The following TNRC6B variants were observed in gnomAD, a reference collection of about 807,000 sequenced individuals.
TNRC6B encodes the protein trinucleotide repeat containing adaptor 6B, also known as trinucleotide repeat-containing gene 6B protein.
In TNRC6B, 52 loss-of-function variants were observed where a neutral mutation model predicts 203.6. That is an observed-to-expected ratio of 0.26 (90% confidence interval 0.20 to 0.32). TNRC6B has a LOEUF of 0.32. Ranked by LOEUF, TNRC6B falls within the 10% of genes least tolerant of loss-of-function variation. TNRC6B has a pLI of 1.00. For synonymous variants in TNRC6B, 838 were observed against 845.7 expected (o/e 0.99, Z 0.16); for missense variants, 1,923 against 2,286.2 (o/e 0.84, Z 3.24).
chr22:40,156,031 T>C, intron 3 of TNRC6B: 2 of 1,277,238 alleles, frequency 1.6e-6, no homozygotes, highest in Non-Finnish European at 2.2e-6. Flanking sequence ...GCCCTGTGGT[T>C]CTGCACAGGG....
At chr22:40,309,547 A>C (rs556327249) in intron 16 of TNRC6B, among the ~76,000 whole-genome samples, 1 of 152,326 alleles carries the variant, frequency 6.6e-6, no homozygotes, top group African/African-American at 2.4e-5. Flanking sequence ...GATTTATTGA[A>C]ATTGTAAAAT....
intron 3 of TNRC6B, among the ~76,000 whole-genome samples, chr22:40,257,894 A>C (rs1267220262): frequency 6.6e-6 from 1 of 151,638 alleles, no homozygotes; most frequent in South Asian, 2.1e-4. Context: ...GTGGTGGTGC[A>C]CGCCAGCTAC....
chr22:40,201,817 C>T (rs974943338), intron 1 of TNRC6B, among the ~76,000 whole-genome samples: 1 of 152,060 alleles, frequency 6.6e-6, no homozygotes, highest in Non-Finnish European at 1.5e-5. Flanking sequence ...TTTTTGAGCA[C>T]CAGCACGATA....
chr22:40,271,781 C>T (rs2070566519), intron 6 of TNRC6B, among the ~76,000 whole-genome samples: 1 of 152,190 alleles, frequency 6.6e-6, no homozygotes, highest in African/African-American at 2.4e-5. Context: ...TCAGGATCAT[C>T]TGTAGTTATA....
intron 9 of TNRC6B, among the ~76,000 whole-genome samples, chr22:40,278,347 C>G (rs1480913248): frequency 6.6e-6 from 1 of 151,726 alleles, no homozygotes; most frequent in Non-Finnish European, 1.5e-5. Context: ...ATTACGAGGT[C>G]AAGAGATCGA....
At chr22:40,141,663 C>G (rs965075337) in intron 3 of TNRC6B, among the ~76,000 whole-genome samples, 2 of 152,100 alleles carry the variant, frequency 1.3e-5, no homozygotes, top group Non-Finnish European at 1.5e-5. Flanking sequence ...CTGACTGCCC[C>G]TTAGTTCAGC....
In TNRC6B at chr22:40,334,331, T is replaced by G. The variant is rs529580970; in HGVS notation, c.*11090T>G. The G allele has an allele frequency of 6.5e-6, 1 of 152,714 alleles. No individual in the cohort carries two copies. Among genetic ancestry groups the G allele is most frequent in the Admixed American group, 6.5e-5 (1 of 15,300 alleles). The allele number at this position is 152,714 out of a possible 1,614,324, so 9.5% of individuals were successfully genotyped here. ...TGCACAAGATTCTGCACCCTTGGCC[T>G]TAATCTCAGTATGACTTAAGGTGCA... is the stretch of plus-strand genomic sequence containing the variant. On this transcript the variant is annotated 3_prime_UTR_variant, in exon 23 of 23. Coordinates refer to ENST00000454349, the MANE Select transcript of TNRC6B (RefSeq NM_001162501.2).
intron 3 of TNRC6B, among the ~76,000 whole-genome samples, chr22:40,132,518 G>C (rs1343670707): frequency 6.6e-6 from 1 of 151,062 alleles, no homozygotes; most frequent in East Asian, 2.0e-4. Flanking sequence ...AGGGCGAGGG[G>C]CCTGTAGTCC....
In TNRC6B at chr22:40,333,792, A is replaced by G. The variant is rs1021585869; in HGVS notation, c.*10551A>G. On this transcript the variant is annotated 3_prime_UTR_variant, in exon 23 of 23. Transcript: ENST00000454349. ...TAAGTAGAGGGAAATGCTTTTAACAAATGCTGCTCATGTGGATCTGTCAGC... is the reference window on the plus strand; with the variant it reads ...TAAGTAGAGGGAAATGCTTTTAACAGATGCTGCTCATGTGGATCTGTCAGC... The G allele has an allele frequency of 5.2e-5, 8 of 152,618 alleles. No individual in the cohort carries two copies. The highest frequency in any genetic ancestry group is 1.9e-4 in the African/African-American group (8 of 41,434). The allele number at this position is 152,618 out of a possible 1,614,324, so 9.5% of individuals were successfully genotyped here. A position where few individuals can be genotyped will look rare whatever the true frequency, so the allele number is the denominator to read the frequency against.
At chr22:40,213,333 G>A (rs183477513) in intron 1 of TNRC6B, among the ~76,000 whole-genome samples, 1 of 152,274 alleles carries the variant, frequency 6.6e-6, no homozygotes, top group African/African-American at 2.4e-5. Context: ...CTTTCCCAGA[G>A]GAGGCGGCAC....
intron 2 of TNRC6B, among the ~76,000 whole-genome samples, chr22:40,247,986 G>A (rs1472324888): frequency 6.6e-6 from 1 of 151,956 alleles, no homozygotes; most frequent in East Asian, 1.9e-4. Context: ...GAGGTAGCAG[G>A]ATCACTTGAG....
At chr22:40,046,698 G>A (rs980234722) in intron 1 of TNRC6B, among the ~76,000 whole-genome samples, 2 of 143,688 alleles carry the variant, frequency 1.4e-5, no homozygotes, top group Non-Finnish European at 3.0e-5. Flanking sequence ...AGGCTGGAGT[G>A]TAGTGGCACA....
At chr22:40,130,787 A>C (rs1333409404) in intron 3 of TNRC6B, among the ~76,000 whole-genome samples, 18 of 151,556 alleles carry the variant, frequency 1.2e-4, no homozygotes, top group African/African-American at 3.6e-4. Flanking sequence ...TCTAAAAAAA[A>C]AAAAAAAAAA....
intron 2 of TNRC6B, chr22:40,125,688 G>C (rs1198095862): frequency 1.2e-6 from 1 of 836,300 alleles, no homozygotes; most frequent in Non-Finnish European, 1.8e-6. Flanking sequence ...TGGCCTTATT[G>C]AGAGAATTTC....
chr22:40,227,292 G>A (rs1425718076), intron 1 of TNRC6B, among the ~76,000 whole-genome samples: 1 of 147,164 alleles, frequency 6.8e-6, no homozygotes, highest in Non-Finnish European at 1.5e-5. Context: ...CAAACAATCT[G>A]CCCACCTCAG....
intron 1 of TNRC6B, among the ~76,000 whole-genome samples, chr22:40,062,691 T>A (rs1056335818): frequency 6.6e-6 from 1 of 152,226 alleles, no homozygotes; most frequent in African/African-American, 2.4e-5. Context: ...GTATTTTCAT[T>A]TGCGTTTGCC....
chr22:40,065,495 A>G (rs2146275433), intron 1 of TNRC6B, among the ~76,000 whole-genome samples: 1 of 152,196 alleles, frequency 6.6e-6, no homozygotes, highest in Non-Finnish European at 1.5e-5. Context: ...TTATAGGCCT[A>G]TTCAGATTTT....
chr22:40,191,576 T>A (rs1243238642), intron 1 of TNRC6B, among the ~76,000 whole-genome samples: 2 of 152,116 alleles, frequency 1.3e-5, no homozygotes, highest in Non-Finnish European at 2.9e-5. Flanking sequence ...CTAAGAAATT[T>A]GTTTTATTTT....
At chr22:40,226,770 T>G (rs2069791614) in intron 1 of TNRC6B, among the ~76,000 whole-genome samples, 1 of 152,180 alleles carries the variant, frequency 6.6e-6, no homozygotes, top group African/African-American at 2.4e-5. Context: ...CTCCATTTCT[T>G]CTGTGTGCAT....
Sources: allele counts gnomAD v4.1 joint callset (sites outside exome capture counted in the v4.1 genomes callset), GRCh38; gene constraint gnomAD v4.1.1; transcripts MANE v1.5; gene names NCBI Gene and HGNC (gene_info 2026-07-23, HGNC 2026-07-21).